LIMD1: variants seen among roughly 807,000 people sequenced by gnomAD.
The protein encoded by LIMD1 is LIM domain containing 1.
LIMD1 carries 23 observed loss-of-function variants against 58.4 expected under a neutral mutation model. That is an observed-to-expected ratio of 0.39 (90% CI 0.28 to 0.56). LIMD1 has a LOEUF of 0.56. LIMD1 is among the 20% of genes least tolerant of loss of function. LIMD1 has a pLI of 0.57. For missense variants in LIMD1, 838 were observed against 855.5 expected, an observed-to-expected ratio of 0.98 and a Z score of 0.25; for synonymous variants, 334 against 345.5, an observed-to-expected ratio of 0.97 and a Z score of 0.37.
intron 1 of LIMD1, among the ~76,000 whole-genome samples, chr3:45,633,602 T>A: frequency 6.6e-6 from 1 of 152,240 alleles, no homozygotes; most frequent in East Asian, 1.9e-4. Context: ...ACCCTCTGTA[T>A]AATTCCTTCA....
rs1193511896 is a variant in LIMD1, at chr3:45,677,122, G to T, written c.*63G>T. On this transcript the variant is annotated 3_prime_UTR_variant, in exon 8 of 8. Coordinates refer to ENST00000273317, the MANE Select transcript of LIMD1 (RefSeq NM_014240.3). ...AGCCGGGGTTGCTGCTGCTGCTTCC[G>T]GTGGCCCCTGGGGTGGAAGTGGGGT... 11 of 1,579,510 alleles carry T rather than the reference G, an allele frequency of 7.0e-6. No homozygotes were observed. Among genetic ancestry groups the T allele is most frequent in the South Asian group, 1.1e-5 (1 of 89,034 alleles).
intron 2 of LIMD1, among the ~76,000 whole-genome samples, chr3:45,660,472 A>G (rs1697419655): frequency 7.2e-6 from 1 of 139,236 alleles, no homozygotes; most frequent in Non-Finnish European, 1.5e-5. Context: ...CTAGAGTGCA[A>G]TGGCGCGATC....
chr3:45,683,454 C>G lies in LIMD1; in HGVS notation c.*6395C>G, dbSNP rs1363512312. The G allele has an allele frequency of 1.3e-5, 2 of 152,130 alleles. No homozygotes were observed. The highest frequency in any genetic ancestry group is 2.9e-5 in the Non-Finnish European group (2 of 68,052). 9.4% of individuals were successfully genotyped at this position (152,130 alleles called of 1,614,324 possible). A position where few individuals can be genotyped will look rare whatever the true frequency, so the allele number is the denominator to read the frequency against. ...AAAATTGAAAGTATCGCTAATTGAT[C>G]CCCTCCCACAACCAATCAGACTGGT... On this transcript the variant is annotated 3_prime_UTR_variant, in exon 8 of 8. Coordinates refer to ENST00000273317, the MANE Select transcript of LIMD1 (RefSeq NM_014240.3).
At chr3:45,646,786 A>T (rs1701912218) in intron 2 of LIMD1, among the ~76,000 whole-genome samples, 1 of 151,692 alleles carries the variant, frequency 6.6e-6, no homozygotes, top group African/African-American at 2.4e-5. Context: ...TCATGGGCTA[A>T]AGTGATCCTC....
intron 2 of LIMD1, among the ~76,000 whole-genome samples, chr3:45,642,116 C>T (rs1402207382): frequency 1.3e-5 from 2 of 152,068 alleles, no homozygotes; most frequent in Admixed American, 6.5e-5. Context: ...CGGATATGAA[C>T]ATTTCCCCAT....
Position 45,595,925 on chromosome 3 carries a change from C to A in LIMD1, c.1046C>A (p.Ala349Asp). The A allele has an allele frequency of 6.2e-7, 1 of 1,614,236 alleles. No homozygotes were observed. ...DGPKSYLSSS[A>D]PSSSPAGLDG... The stretch of plus-strand genomic sequence containing the variant: ...CCCAAATCTTACCTTTCCAGTTCTG[C>A]CCCGTCATCCTCGCCAGCTGGTCTG... Residue 349 changes from alanine (A) to aspartate (D), a missense_variant, in exon 1 of 8, where the codon GCC (alanine) becomes GAC (aspartate). By Grantham distance (126) the Ala-to-Asp change is moderately radical (BLOSUM62 -2). Transcript: ENST00000273317.
chr3:45,666,992 A>C (rs545139852), intron 3 of LIMD1, among the ~76,000 whole-genome samples: 22 of 152,344 alleles, frequency 1.4e-4, no homozygotes, highest in Middle Eastern at 3.4e-3. Flanking sequence ...AAACGGGCTT[A>C]AGTAAAAAGG....
intron 2 of LIMD1, among the ~76,000 whole-genome samples, chr3:45,645,773 G>A (rs186879871): frequency 3.3e-5 from 5 of 152,186 alleles, no homozygotes; most frequent in South Asian, 4.1e-4. Flanking sequence ...TTCTTCATGT[G>A]TCTCTCAGCT....
intron 1 of LIMD1, among the ~76,000 whole-genome samples, chr3:45,627,954 G>A (rs1382058786): frequency 1.4e-5 from 2 of 145,160 alleles, no homozygotes; most frequent in Non-Finnish European, 3.0e-5. Context: ...GTTGCAGTGA[G>A]CCAAGATGGT....
At chr3:45,607,120 C>A (rs1347951690) in intron 1 of LIMD1, among the ~76,000 whole-genome samples, 1 of 152,166 alleles carries the variant, frequency 6.6e-6, no homozygotes, top group Non-Finnish European at 1.5e-5. Context: ...ATGACACTGT[C>A]CTTAGAGTCC....
chr3:45,633,977 A>T (rs1016837041), intron 1 of LIMD1, among the ~76,000 whole-genome samples: 4 of 152,188 alleles, frequency 2.6e-5, no homozygotes, highest in Non-Finnish European at 4.4e-5. Flanking sequence ...AGGATGCCTG[A>T]GCTCCTCCTG....
intron 2 of LIMD1, among the ~76,000 whole-genome samples, chr3:45,656,358 CTT>C (rs138423211): frequency 0.012 from 1,835 of 151,294 alleles, 33 homozygotes; most frequent in African/African-American, 0.043. Context: ...AGAGTGTTGA[CTT>C]TGCACAAGAG....
At chr3:45,663,053 G>A (rs1008884721) in intron 2 of LIMD1, among the ~76,000 whole-genome samples, 2 of 151,686 alleles carry the variant, frequency 1.3e-5, no homozygotes, top group Admixed American at 6.6e-5. Context: ...ACACATATAC[G>A]ATCATTGGTA....
chr3:45,638,428 T>C (rs1701810546), intron 2 of LIMD1, among the ~76,000 whole-genome samples: 1 of 152,240 alleles, frequency 6.6e-6, no homozygotes, highest in Non-Finnish European at 1.5e-5. Flanking sequence ...AGAAAGTTTT[T>C]CAGCTATTTG....
chr3:45,626,111 T>A (rs1020941476), intron 1 of LIMD1, among the ~76,000 whole-genome samples: 6 of 152,242 alleles, frequency 3.9e-5, no homozygotes, highest in Non-Finnish European at 8.8e-5. Context: ...GTCCCTTGTT[T>A]TTGCCCTTTC....
intron 2 of LIMD1, among the ~76,000 whole-genome samples, chr3:45,642,962 G>GC (rs1398773479): frequency 6.6e-6 from 1 of 152,110 alleles, no homozygotes; most frequent in Non-Finnish European, 1.5e-5. Context: ...AGGCGGCCAT[G>GC]CCCCCCCACT....
chr3:45,616,836 C>T (rs1388211701), intron 1 of LIMD1, among the ~76,000 whole-genome samples: 4 of 151,438 alleles, frequency 2.6e-5, no homozygotes, highest in African/African-American at 7.3e-5. Context: ...CTCACTGCAG[C>T]CTCTGTCTCC....
At chr3:45,627,294 G>A (rs1701676495) in intron 1 of LIMD1, among the ~76,000 whole-genome samples, 1 of 152,118 alleles carries the variant, frequency 6.6e-6, no homozygotes, top group Admixed American at 6.6e-5. Context: ...TTCTTCCCCG[G>A]TACTCCCTTA....
intron 2 of LIMD1, among the ~76,000 whole-genome samples, chr3:45,653,907 C>CAAAAAAAAAAAAA (rs35185922): frequency 1.3e-5 from 1 of 74,880 alleles, no homozygotes; most frequent in Non-Finnish European, 2.5e-5. Flanking sequence ...AAGACTGTCT[C>CAAAAAAAAAAAAA]AAAAAAAAAA....
Sources: gnomAD v4.1 joint callset for allele counts (sites outside exome capture counted in the v4.1 genomes callset) on GRCh38, gnomAD v4.1.1 for gene constraint, MANE v1.5 for transcripts, NCBI Gene and HGNC (gene_info 2026-07-23, HGNC 2026-07-21) for gene names.